PRKG1: variants seen among roughly 807,000 people sequenced by gnomAD.
PRKG1 encodes the protein protein kinase cGMP-dependent 1.
A neutral mutation model predicts 88.1 loss-of-function variants in PRKG1; 35 were observed. That is an observed-to-expected ratio of 0.40 (90% confidence interval 0.30 to 0.53). The LOEUF is 0.53. Ranked by LOEUF, PRKG1 falls within the 20% of genes least tolerant of loss-of-function variation. The pLI is 0.59. For synonymous variants in PRKG1, 303 were observed against 292.5 expected (o/e 1.04, Z -0.37); for missense variants, 540 against 839.8 (o/e 0.64, Z 4.41).
intron 5 of PRKG1, among the ~76,000 whole-genome samples, chr10:52,045,769 A>G (rs1845849229): frequency 6.6e-6 from 1 of 152,034 alleles, no homozygotes; most frequent in Admixed American, 6.6e-5. Context: ...TAGGTTTTCT[A>G]GGTGCTCTGA....
chr10:52,239,266 A>G (rs963355463), intron 9 of PRKG1, among the ~76,000 whole-genome samples: 3 of 146,012 alleles, frequency 2.1e-5, no homozygotes, highest in African/African-American at 7.5e-5. Context: ...GCACATGTAT[A>G]CATATGTAAC....
intron 5 of PRKG1, among the ~76,000 whole-genome samples, chr10:52,022,066 G>A (rs1005348666): frequency 6.6e-6 from 1 of 152,162 alleles, no homozygotes; most frequent in Non-Finnish European, 1.5e-5. Flanking sequence ...TCAGTAGAAG[G>A]TGATAAGATA....
chr10:51,455,174 A>C (rs1839549244), intron 2 of PRKG1, among the ~76,000 whole-genome samples: 1 of 152,202 alleles, frequency 6.6e-6, no homozygotes, highest in Admixed American at 6.5e-5. Context: ...CCCAAGCTCT[A>C]CCTTGGCCTC....
intron 3 of PRKG1, among the ~76,000 whole-genome samples, chr10:51,600,920 T>TCG (rs140762679): frequency 0.077 from 11,663 of 150,676 alleles, 1,517 homozygotes; most frequent in African/African-American, 0.27. Context: ...TAGTTCATTT[T>TCG]TGAGAGAGAG....
chr10:51,467,979 A>G (rs1310799401), intron 3 of PRKG1, 143 bp downstream of exon 3: 2 of 702,274 alleles, frequency 2.8e-6, no homozygotes, highest in Non-Finnish European at 4.9e-6. Context: ...TAGCTGATGT[A>G]TTTGTTTTCC....
At chr10:51,894,647 G>A (rs951016916) in intron 4 of PRKG1, among the ~76,000 whole-genome samples, 8 of 152,014 alleles carry the variant, frequency 5.3e-5, no homozygotes, top group Admixed American at 1.3e-4. Flanking sequence ...TTTACGGTTC[G>A]GAAACAACTG....
chr10:52,283,077 A>T (rs1161839366), intron 14 of PRKG1, among the ~76,000 whole-genome samples: 2 of 152,136 alleles, frequency 1.3e-5, no homozygotes, highest in Non-Finnish European at 2.9e-5. Flanking sequence ...TGTAAAAAAA[A>T]CAGGAACAGT....
chr10:51,341,245 T>G (rs917483990), intron 2 of PRKG1, among the ~76,000 whole-genome samples: 1 of 152,220 alleles, frequency 6.6e-6, no homozygotes, highest in African/African-American at 2.4e-5. Flanking sequence ...AATAATTTTC[T>G]TAAATATTTA....
chr10:51,106,722 A>T (rs1176710521), intron 1 of PRKG1, among the ~76,000 whole-genome samples: 3 of 152,148 alleles, frequency 2.0e-5, no homozygotes, highest in Non-Finnish European at 2.9e-5. Context: ...AAAACAAATT[A>T]AGTTGTGGTT....
intron 2 of PRKG1, among the ~76,000 whole-genome samples, chr10:51,427,570 T>C (rs1471250666): frequency 6.6e-6 from 1 of 152,154 alleles, no homozygotes; most frequent in African/African-American, 2.4e-5. Context: ...CCACAACTGG[T>C]TGATAGGGGA....
chr10:52,176,173 CTTTTTT>C lies in PRKG1; in HGVS notation c.1076+14226_1076+14231del, dbSNP rs140722137. Among the ~76,000 whole-genome samples the C allele has an allele frequency of 1.4e-3, 138 of 95,688 alleles. 1 individual carries two copies. Among genetic ancestry groups the C allele is most frequent in the East Asian group, 5.8e-3 (17 of 2,910 alleles). 62.8% of individuals were successfully genotyped at this position (95,688 alleles called of 152,430 possible). ...TCGATTTTGAGTTTTTTCTTTTTCT[CTTTTTT>C]TTTTTTTTTTTTTTTGTAGGGTGAG... On this transcript the variant is annotated intron_variant, in intron 9 of 17. Coordinates refer to ENST00000373980, the MANE Select transcript of PRKG1 (RefSeq NM_006258.4).
rs556675695 is a variant in PRKG1 at position 51,565,809 on chromosome 10, A to T, written c.592+97973A>T. Among the ~76,000 whole-genome samples the T allele has an allele frequency of 2.0e-5, 3 of 151,846 alleles. No individual in the cohort carries two copies. In the East Asian group the frequency reaches 5.8e-4, roughly 29 times the overall value. On this transcript the variant is annotated intron_variant, in intron 3 of 17. Transcript: ENST00000373980. ...GACATTTACTTTTGGTGAAAAAAAA[A>T]TGCATCAGCTATTTATATCAGAATA...
At chr10:51,301,565 A>T (rs1035548393) in intron 2 of PRKG1, among the ~76,000 whole-genome samples, 5 of 152,184 alleles carry the variant, frequency 3.3e-5, no homozygotes, top group African/African-American at 1.2e-4. Context: ...TTTAAGTCAA[A>T]TGGAGCAACA....
intron 1 of PRKG1, among the ~76,000 whole-genome samples, chr10:51,020,623 A>G (rs185743959): frequency 3.2e-4 from 48 of 152,304 alleles, no homozygotes; most frequent in African/African-American, 1.1e-3. Context: ...TGTATTCTCA[A>G]AATAGCTCAA....
chr10:52,085,406 A>G (rs1184899191), intron 7 of PRKG1, among the ~76,000 whole-genome samples: 1 of 152,068 alleles, frequency 6.6e-6, no homozygotes, highest in African/African-American at 2.4e-5. Context: ...CTTCCAATTA[A>G]TTATCAATAT....
intron 3 of PRKG1, among the ~76,000 whole-genome samples, chr10:51,658,046 T>C (rs1178798389): frequency 6.6e-6 from 1 of 152,158 alleles, no homozygotes; most frequent in Non-Finnish European, 1.5e-5. Context: ...CAGCTGGTTA[T>C]AAGACCAGGC....
Position 52,043,044 on chromosome 10 carries a change from G to A in PRKG1, c.763-11440G>A, listed in dbSNP as rs542952888. ...ATGAGATTTCACCTCACTCCAGTTA[G>A]AATTGCTGTTATCTAAAAGATAAAA... On this transcript the variant is annotated intron_variant, in intron 5 of 17. Coordinates refer to ENST00000373980, the MANE Select transcript of PRKG1 (RefSeq NM_006258.4). Among the ~76,000 whole-genome samples, 3 of 152,208 alleles carry A rather than the reference G, an allele frequency of 2.0e-5. No homozygotes were observed. The East Asian group carries it at 5.8e-4, about 29-fold the overall frequency.
At chr10:52,020,169 A>G (rs1210235549) in intron 5 of PRKG1, among the ~76,000 whole-genome samples, 1 of 152,094 alleles carries the variant, frequency 6.6e-6, no homozygotes, top group Non-Finnish European at 1.5e-5. Flanking sequence ...GACCATACAT[A>G]TAAAAATCAG....
At chr10:51,892,893 A>G (rs901551218) in intron 4 of PRKG1, among the ~76,000 whole-genome samples, 8 of 152,210 alleles carry the variant, frequency 5.3e-5, no homozygotes, top group Admixed American at 2.6e-4. Flanking sequence ...GCACATCACC[A>G]TTAGTGCAGC....
Sources: gnomAD v4.1 joint callset for allele counts (sites outside exome capture counted in the v4.1 genomes callset) on GRCh38, gnomAD v4.1.1 for gene constraint, MANE v1.5 for transcripts, NCBI Gene and HGNC (gene_info 2026-07-23, HGNC 2026-07-21) for gene names.